The following CTNND1 variants were observed in gnomAD, a reference collection of about 807,000 sequenced individuals.
CTNND1 encodes the protein catenin delta 1.
A neutral mutation model predicts 112.1 loss-of-function variants in CTNND1; 16 were observed. The ratio of observed to expected loss-of-function variants is 0.14; its 90% CI spans 0.10 to 0.22. The LOEUF is 0.22. Ranked by LOEUF, CTNND1 falls within the 10% of genes least tolerant of loss-of-function variation. The pLI, the probability that CTNND1 is intolerant of heterozygous loss-of-function variation, is 1.00. For missense variants in CTNND1, 1,008 were observed against 1,257.0 expected, an observed-to-expected ratio of 0.80 and a Z score of 3.00; for synonymous variants, 420 against 446.5, an observed-to-expected ratio of 0.94 and a Z score of 0.75.
chr11:57,772,714 T>C, intron 1 of CTNND1, among the ~76,000 whole-genome samples: 1 of 152,238 alleles, frequency 6.6e-6, no homozygotes, highest in East Asian at 1.9e-4. Flanking sequence ...AATACCTATG[T>C]CTTGAATCAC....
intron 1 of CTNND1, among the ~76,000 whole-genome samples, chr11:57,783,519 C>T (rs1265946428): frequency 1.3e-5 from 2 of 151,940 alleles, no homozygotes; most frequent in South Asian, 2.1e-4. Context: ...ATTAGCCGGG[C>T]GTGTTGGCGG....
Position 57,805,876 on chromosome 11 carries a change from C to T in CTNND1, c.1723-6C>T. On this transcript the variant is annotated splice_region_variant and splice_polypyrimidine_tract_variant and intron_variant, in intron 9 of 20. Coordinates refer to ENST00000399050, the MANE Select transcript of CTNND1 (RefSeq NM_001085458.2). ...TTTTTCTCATTGGCCCTTTTATGTC[C>T]CTAAGCTTGTAGAGAACTGTGTTTG... The T allele has an allele frequency of 1.2e-6, 2 of 1,612,834 alleles. No individual in the cohort carries two copies. Among genetic ancestry groups the T allele is most frequent in the Non-Finnish European group, 1.7e-6 (2 of 1,179,180 alleles).
At chr11:57,815,781 G>T in intron 19 of CTNND1, 134 bp from the exon 20 acceptor site, 1 of 796,532 alleles carries the variant, frequency 1.3e-6, no homozygotes, top group South Asian at 1.5e-5. Flanking sequence ...CCCTGTTTAT[G>T]AATGTTTTGC....
At chr11:57,779,991 C>T (rs747790168) in intron 1 of CTNND1, among the ~76,000 whole-genome samples, 2 of 151,790 alleles carry the variant, frequency 1.3e-5, no homozygotes. Flanking sequence ...CTTCTCTTGC[C>T]TCCTTCCCCT....
chr11:57,770,488 A>C lies in CTNND1; in HGVS notation c.-214+8369A>C, dbSNP rs537131941. Among the ~76,000 whole-genome samples the C allele has an allele frequency of 3.3e-5, 5 of 152,070 alleles. No homozygotes were observed. The South Asian group carries it at 1.0e-3, about 32-fold the overall frequency. On this transcript the variant is annotated intron_variant, in intron 1 of 20. Coordinates refer to ENST00000399050, the MANE Select transcript of CTNND1 (RefSeq NM_001085458.2). ...GCCAACGTGGTGAAACCCTGTGTCT[A>C]CTAAAATTTCAAAAATTAGCTGGGC...
At position 57,784,502 on chromosome 11, in the gene CTNND1, G is replaced by A. The variant is rs1346079613; in HGVS notation, c.-213-4535G>A. On this transcript the variant is annotated intron_variant, in intron 1 of 20. Coordinates refer to ENST00000399050, the MANE Select transcript of CTNND1 (RefSeq NM_001085458.2). ...TGGAGAGCATAAATTTGTGACACTC[G>A]TTTTGTTGTTGTTGTTTTTGAGACA... is the stretch of plus-strand genomic sequence containing the variant. Among the ~76,000 whole-genome samples the A allele has an allele frequency of 2.6e-5, 4 of 151,278 alleles. 1 individual carries two copies. The South Asian group carries it at 6.2e-4, about 24-fold the overall frequency.
In CTNND1 at chr11:57,795,557, C is replaced by CT. The variant is rs755130916; in HGVS notation, c.268-16dup. On this transcript the variant is annotated intron_variant, in intron 4 of 20. Transcript: ENST00000399050. ...ATAGCACTTAATAGTAGTTTCTTCT[C>CT]TTTTCTCTTTTGCATATAGGATCAC... is the stretch of plus-strand genomic sequence containing the variant. 2.5e-6 allele frequency: 4 copies of CT among 1,599,848 alleles called. No individual in the cohort carries two copies. The highest frequency in any genetic ancestry group is 3.4e-6 in the Non-Finnish European group (4 of 1,174,482).
intron 12 of CTNND1, among the ~76,000 whole-genome samples, chr11:57,807,791 G>A (rs534060787): frequency 1.3e-5 from 2 of 152,130 alleles, no homozygotes; most frequent in African/African-American, 4.8e-5. Flanking sequence ...GAATGACTGG[G>A]TTAAGTTAGA....
At chr11:57,791,108 A>G (rs2060691568) in intron 2 of CTNND1, among the ~76,000 whole-genome samples, 1 of 152,066 alleles carries the variant, frequency 6.6e-6, no homozygotes, top group South Asian at 2.1e-4. Context: ...TAACTACAGC[A>G]CCTCACCACA....
intron 3 of CTNND1, among the ~76,000 whole-genome samples, chr11:57,792,179 A>G (rs2060821423): frequency 6.6e-6 from 1 of 152,104 alleles, no homozygotes; most frequent in African/African-American, 2.4e-5. Flanking sequence ...GGCTGTGTAA[A>G]TCATGTGTTG....
Position 57,818,040 on chromosome 11 carries a change from C to G in CTNND1, c.*1732C>G, listed in dbSNP as rs1311117797. 1.3e-5 allele frequency: 2 copies of G among 152,464 alleles called. No individual in the cohort carries two copies. The highest frequency in any genetic ancestry group is 4.8e-5 in the African/African-American group (2 of 41,378). The allele number at this position is 152,464 out of a possible 1,614,324, so 9.4% of individuals were successfully genotyped here. On this transcript the variant is annotated 3_prime_UTR_variant, in exon 21 of 21. Transcript: ENST00000399050. ...AAAATTTCTTATTTACCCTTTTCCC[C>G]CTTCCCATTTCTTCCCACTTTCATC... is the stretch of plus-strand genomic sequence containing the variant.
In CTNND1 at chr11:57,802,030, C is replaced by T; in HGVS notation, c.1254C>T (p.Asp418=). ...TCCCAGTACTGGTGGGATTGTTAGA[C>T]CATCCCAAAAAGGAAGTGCACCTTG... is the stretch of plus-strand genomic sequence containing the variant. The part of the protein sequence containing the change: ...KGIPVLVGLL[D]HPKKEVHLGA... The change falls in exon 7 of 21, where the codon GAC becomes GAT. Residue 418 remains aspartate, a synonymous_variant. Transcript: ENST00000399050. The T allele has an allele frequency of 1.2e-6, 2 of 1,614,008 alleles. No homozygotes were observed. The highest frequency in any genetic ancestry group is 1.3e-5 in the African/African-American group (1 of 75,038).
chr11:57,762,134 T>C lies in CTNND1; in HGVS notation c.-214+15T>C. The C allele has an allele frequency of 1.0e-6, 1 of 978,972 alleles. No homozygotes were observed. Among genetic ancestry groups the C allele is most frequent in the Non-Finnish European group, 1.2e-6 (1 of 824,044 alleles). The allele number at this position is 978,972 out of a possible 1,614,324, so 60.6% of individuals were successfully genotyped here. A position where few individuals can be genotyped will look rare whatever the true frequency, so the allele number is the denominator to read the frequency against. Reference sequence around the variant, plus strand: ...TTTGTCTTACGGTAACCGGAGGGAATTAAAAAACGGGAGAGTCTGTTATGC... The same window carrying C: ...TTTGTCTTACGGTAACCGGAGGGAACTAAAAAACGGGAGAGTCTGTTATGC... On this transcript the variant is annotated intron_variant, in intron 1 of 20. Coordinates refer to ENST00000399050, the MANE Select transcript of CTNND1 (RefSeq NM_001085458.2).
chr11:57,779,860 A>G (rs1387936238), intron 1 of CTNND1, among the ~76,000 whole-genome samples: 1 of 152,022 alleles, frequency 6.6e-6, no homozygotes, highest in Non-Finnish European at 1.5e-5. Flanking sequence ...CCTGAGTACT[A>G]GGTTCTTATA....
intron 3 of CTNND1, among the ~76,000 whole-genome samples, chr11:57,792,616 C>T (rs1156725767): frequency 1.3e-5 from 2 of 152,272 alleles, no homozygotes; most frequent in Admixed American, 1.3e-4. Context: ...CTGCAACGTT[C>T]GCCTCCCGGG....
chr11:57,776,448 C>G (rs1010965771), intron 1 of CTNND1, among the ~76,000 whole-genome samples: 1 of 152,150 alleles, frequency 6.6e-6, no homozygotes, highest in Non-Finnish European at 1.5e-5. Flanking sequence ...TGTAGCTAAA[C>G]CTTTCCCAGT....
intron 20 of CTNND1, 36 bp from the exon 21 acceptor site, chr11:57,816,261 C>G (rs774475986): frequency 6.2e-7 from 1 of 1,613,474 alleles, no homozygotes; most frequent in South Asian, 1.1e-5. Context: ...AATCCCAACC[C>G]CATTAACATT....
intron 6 of CTNND1, among the ~76,000 whole-genome samples, chr11:57,798,204 G>T (rs903645663): frequency 7.3e-5 from 11 of 151,658 alleles, no homozygotes; most frequent in African/African-American, 2.7e-4. Context: ...AAAATTAGCC[G>T]GGTGTTGTGG....
chr11:57,766,974 CT>C lies in CTNND1; in HGVS notation c.-214+4870del, dbSNP rs779955741. 3.6e-3 allele frequency among the ~76,000 whole-genome samples: 507 copies of C among 140,020 alleles called. 1 individual carries two copies. Among genetic ancestry groups the C allele is most frequent in the African/African-American group, 5.1e-3 (197 of 38,380 alleles). The allele number at this position is 140,020 out of a possible 152,430, so 91.9% of individuals were successfully genotyped here. ...ATAAAGAGGCAAAGAATTTTCTTAT[CT>C]TTTTTTTTTTTTTTGAGATGGAGTC... On this transcript the variant is annotated intron_variant, in intron 1 of 20. Coordinates refer to ENST00000399050, the MANE Select transcript of CTNND1 (RefSeq NM_001085458.2).
Sources: gnomAD v4.1 joint callset for allele counts (sites outside exome capture counted in the v4.1 genomes callset) on GRCh38, gnomAD v4.1.1 for gene constraint, MANE v1.5 for transcripts, NCBI Gene and HGNC (gene_info 2026-07-23, HGNC 2026-07-21) for gene names.